The following CD163L1 variants were observed in gnomAD, a reference collection of about 807,000 sequenced individuals.
CD163L1 encodes CD163 molecule like 1.
Under a neutral mutation model 165.4 loss-of-function variants are expected in CD163L1, and 124 were observed. The ratio of observed to expected loss-of-function variants is 0.75; its 90% CI spans 0.65 to 0.87. CD163L1 has a LOEUF of 0.87. Among genes scored for constraint, CD163L1 ranks in the 40% least tolerant of loss-of-function variants. CD163L1 has a pLI of 0.00. For synonymous variants in CD163L1, 585 were observed against 662.2 expected, an observed-to-expected ratio of 0.88 and a Z score of 1.79; for missense variants, 1,525 against 1,799.9, an observed-to-expected ratio of 0.85 and a Z score of 2.76.
At chr12:7,413,555 A>C (rs1422544343) in intron 4 of CD163L1, among the ~76,000 whole-genome samples, 4 of 152,130 alleles carry the variant, frequency 2.6e-5, no homozygotes, top group Non-Finnish European at 5.9e-5. Flanking sequence ...ATTTACCCCC[A>C]TCAATCTATG....
chr12:7,407,877 C>T (rs1415479055), intron 4 of CD163L1, among the ~76,000 whole-genome samples: 1 of 151,744 alleles, frequency 6.6e-6, no homozygotes, highest in Non-Finnish European at 1.5e-5. Flanking sequence ...GGTTCCCAGA[C>T]TCCCATGGAT....
chr12:7,336,160 A>T, the CD163L1 span, among the ~76,000 whole-genome samples: 1 of 146,046 alleles, frequency 6.8e-6, no homozygotes, highest in Non-Finnish European at 1.5e-5. Context: ...ATTACTGGGT[A>T]TATACCCAAA....
chr12:7,421,963 A>G (rs1948448812), intron 4 of CD163L1, among the ~76,000 whole-genome samples: 1 of 152,022 alleles, frequency 6.6e-6, no homozygotes, highest in East Asian at 1.9e-4. Context: ...TGCCTCCTCA[A>G]GTGGGTCCCT....
downstream of CD163L1, among the ~76,000 whole-genome samples, chr12:7,344,480 C>T (rs902274956): frequency 7.9e-5 from 12 of 152,320 alleles, no homozygotes; most frequent in African/African-American, 2.9e-4. Context: ...CTTCCAAGGC[C>T]TTGGGCAGCT....
intron 4 of CD163L1, among the ~76,000 whole-genome samples, chr12:7,409,623 T>C (rs1948094174): frequency 6.6e-6 from 1 of 152,142 alleles, no homozygotes; most frequent in Non-Finnish European, 1.5e-5. Context: ...GCCCACTGCG[T>C]GGCCCAATTC....
intron 18 of CD163L1, among the ~76,000 whole-genome samples, chr12:7,361,583 C>A (rs1214683744): frequency 6.6e-6 from 1 of 152,084 alleles, no homozygotes; most frequent in African/African-American, 2.4e-5. Flanking sequence ...GTGAAGACAG[C>A]AAACTAAAAA....
chr12:7,339,970 G>T, the CD163L1 span, among the ~76,000 whole-genome samples: 8 of 152,026 alleles, frequency 5.3e-5, no homozygotes, highest in African/African-American at 1.7e-4. Flanking sequence ...CCACTTTTTT[G>T]GGTGACATTA....
chr12:7,414,533 A>C (rs1948199618), intron 4 of CD163L1, among the ~76,000 whole-genome samples: 1 of 149,178 alleles, frequency 6.7e-6, no homozygotes, highest in African/African-American at 2.6e-5. Context: ...AAGAAAAACA[A>C]CAGAAATTTA....
downstream of CD163L1, among the ~76,000 whole-genome samples, chr12:7,353,218 C>G (rs1391448660): frequency 6.6e-6 from 1 of 151,066 alleles, no homozygotes; most frequent in Non-Finnish European, 1.5e-5. Flanking sequence ...TTTAAAATTC[C>G]AGAAGAGAAA....
intron 8 of CD163L1, among the ~76,000 whole-genome samples, chr12:7,391,126 C>G (rs540618616): frequency 2.4e-4 from 37 of 152,182 alleles, no homozygotes; most frequent in South Asian, 8.3e-4. Flanking sequence ...AGCTGAGGGA[C>G]CTGACTGTTA....
At chr12:7,354,563 G>A (rs1946737896), downstream of CD163L1, among the ~76,000 whole-genome samples, 1 of 152,142 alleles carries the variant, frequency 6.6e-6, no homozygotes, top group Non-Finnish European at 1.5e-5. Context: ...GGATACGTAT[G>A]GAGTGGTTTT....
chr12:7,438,465 G>T (rs1329843600), intron 2 of CD163L1, among the ~76,000 whole-genome samples: 8 of 152,148 alleles, frequency 5.3e-5, no homozygotes, highest in Non-Finnish European at 1.0e-4. Context: ...AGCAGGATGT[G>T]AAAAGCTAAT....
chr12:7,403,456 C>A, intron 6 of CD163L1, 79 bp downstream of exon 6: 1 of 1,371,286 alleles, frequency 7.3e-7, no homozygotes, highest in Admixed American at 2.4e-5. Flanking sequence ...ACCTTTTCTT[C>A]AAGCTATTGT....
intron 4 of CD163L1, among the ~76,000 whole-genome samples, chr12:7,421,328 G>A (rs1346644090): frequency 2.5e-4 from 23 of 92,568 alleles, no homozygotes; most frequent in African/African-American, 7.0e-4. Flanking sequence ...AGATATATAT[G>A]TATATATATC....
At chr12:7,339,024 T>C in the CD163L1 span, among the ~76,000 whole-genome samples, 1 of 152,192 alleles carries the variant, frequency 6.6e-6, no homozygotes, top group Non-Finnish European at 1.5e-5. Flanking sequence ...GTAAGTGTCA[T>C]GGTGGGCCTG....
chr12:7,439,601 C>T, intron 2 of CD163L1: 1 of 1,592,588 alleles, frequency 6.3e-7, no homozygotes, highest in Non-Finnish European at 8.6e-7. Flanking sequence ...TCAAATATGT[C>T]GTTATTTAAG....
Position 7,373,568 on chromosome 12 carries a change from T to C in CD163L1, c.3482A>G (p.Asn1161Ser). The change falls in exon 14 of 20, where the codon AAC becomes AGC. Residue 1161 changes from asparagine to serine, a missense_variant. Coordinates refer to ENST00000313599, the MANE Select transcript of CD163L1 (RefSeq NM_174941.6). Reference sequence around the variant, plus strand: ...CCTGCCGACGCTGCCCCAGGTCCCGTTATAGAAGACTTCCAATCTCCCAGC... The same window carrying C: ...CCTGCCGACGCTGCCCCAGGTCCCGCTATAGAAGACTTCCAATCTCCCAGC... ...SCAGRLEVFY[N>S]GTWGSVGRRN... The C allele has an allele frequency of 6.2e-7, 1 of 1,613,996 alleles. No individual in the cohort carries two copies. Among genetic ancestry groups the C allele is most frequent in the East Asian group, 2.2e-5 (1 of 44,874 alleles).
At chr12:7,382,900 G>C (rs973484029) in intron 8 of CD163L1, among the ~76,000 whole-genome samples, 2 of 152,158 alleles carry the variant, frequency 1.3e-5, no homozygotes, top group African/African-American at 4.8e-5. Flanking sequence ...AGTGTGTCTA[G>C]GTCCCCAGCC....
At chr12:7,411,649 G>T (rs1332922763) in intron 4 of CD163L1, among the ~76,000 whole-genome samples, 1 of 152,186 alleles carries the variant, frequency 6.6e-6, no homozygotes, top group Non-Finnish European at 1.5e-5. Context: ...AGAAGCAGTT[G>T]CTGGTTCCAT....
Sources: allele counts gnomAD v4.1 joint callset (sites outside exome capture counted in the v4.1 genomes callset), GRCh38; gene constraint gnomAD v4.1.1; transcripts MANE v1.5; gene names NCBI Gene and HGNC (gene_info 2026-07-23, HGNC 2026-07-21).